The following UPF1 variants were observed in gnomAD, a reference collection of about 807,000 sequenced individuals.
The protein encoded by UPF1 is regulator of nonsense transcripts 1.
A neutral mutation model predicts 129.2 loss-of-function variants in UPF1; 9 were observed. The observed-to-expected ratio is 0.07, with a 90% CI of 0.04 to 0.12. UPF1 has a LOEUF of 0.12. UPF1 is among the 10% of genes least tolerant of loss of function. The probability of loss-of-function intolerance (pLI) is 1.00; values close to 1 mark genes in which losing one functional copy is unlikely to be tolerated. For missense variants in UPF1, 788 were observed against 1,525.3 expected (o/e 0.52, Z 8.05); for synonymous variants, 649 against 644.9 (o/e 1.01, Z -0.10).
chr19:18,852,077 G>T, intron 5 of UPF1, 58 bp from the exon 6 acceptor site: 1 of 1,520,540 alleles, frequency 6.6e-7, no homozygotes, highest in East Asian at 2.5e-5. Context: ...CTGCGCCCTC[G>T]TTCATTTGCA....
At chr19:18,844,122 T>C (rs1004253499) in intron 1 of UPF1, among the ~76,000 whole-genome samples, 1 of 152,052 alleles carries the variant, frequency 6.6e-6, no homozygotes, top group Admixed American at 6.6e-5. Flanking sequence ...GTACAGCTCT[T>C]AGATGGACTT....
chr19:18,843,205 A>G (rs751419510), intron 1 of UPF1, among the ~76,000 whole-genome samples: 2 of 152,188 alleles, frequency 1.3e-5, no homozygotes, highest in Non-Finnish European at 2.9e-5. Flanking sequence ...CCTTTAGCCA[A>G]CAATGTTGAG....
chr19:18,832,502 G>A lies in UPF1; in HGVS notation c.231+62G>A, dbSNP rs2055438713. 1.0e-6 allele frequency: 1 copy of A among 987,768 alleles called. No individual in the cohort carries two copies. The highest frequency in any genetic ancestry group is 1.2e-6 in the Non-Finnish European group (1 of 828,368). The allele number at this position is 987,768 out of a possible 1,614,324, so 61.2% of individuals were successfully genotyped here. A position where few individuals can be genotyped will look rare whatever the true frequency, so the allele number is the denominator to read the frequency against. ...GGCCTCGGCGCCTGAGACCTGCCCC[G>A]AACTCGCCTCGGGCCCGGCCTGTGT... On this transcript the variant is annotated intron_variant, in intron 1 of 23. Coordinates refer to ENST00000262803, the MANE Select transcript of UPF1 (RefSeq NM_002911.4). This position sits in a 1 kb window ranked among gnomAD's most constrained non-coding sequence, Gnocchi z 5.6.
chr19:18,855,920 T>C lies in UPF1; in HGVS notation c.1545-5T>C, dbSNP rs2055712233. 6.2e-7 allele frequency: 1 copy of C among 1,613,398 alleles called. No individual in the cohort carries two copies. Among genetic ancestry groups the C allele is most frequent in the Admixed American group, 1.7e-5 (1 of 59,970 alleles). ...AAGCACTGAGCTGCCCCAATGGTGT[T>C]GCAGGCCGGTGCTGGTGTGTGCTCC... is the stretch of plus-strand genomic sequence containing the variant. On this transcript the variant is annotated splice_region_variant and splice_polypyrimidine_tract_variant and intron_variant, in intron 11 of 23. Transcript: ENST00000262803.
At chr19:18,838,675 T>G (rs1480729852) in intron 1 of UPF1, among the ~76,000 whole-genome samples, 1 of 151,798 alleles carries the variant, frequency 6.6e-6, no homozygotes, top group East Asian at 1.9e-4. Context: ...CATGACTTCA[T>G]TTTGGCTTTT....
intron 13 of UPF1, among the ~76,000 whole-genome samples, chr19:18,856,622 T>C (rs1343610805): frequency 6.6e-6 from 1 of 152,198 alleles, no homozygotes; most frequent in East Asian, 1.9e-4. Context: ...GCACTGCCCC[T>C]TGGAGGCTGT....
In UPF1 at chr19:18,865,595, G is replaced by A. The variant is rs376681085; in HGVS notation, c.3054G>A (p.Gly1018=). ...CCCCGAAAGGCAAGACTGGTCGTGGGGGACGCCAGAAGAACCGCTTTGGGC... is the reference window on the plus strand; with the variant it reads ...CCCCGAAAGGCAAGACTGGTCGTGGAGGACGCCAGAAGAACCGCTTTGGGC... ...RGTPKGKTGR[G]GRQKNRFGLP... Residue 1018 remains glycine, a synonymous_variant, in exon 22 of 24, where the codon GGG becomes GGA. Transcript: ENST00000262803. The surrounding 1 kb of genome is among the most constrained non-coding windows in gnomAD (Gnocchi z 6.1). 28 of 1,613,766 alleles carry A rather than the reference G, an allele frequency of 1.7e-5. No homozygotes were observed. Among genetic ancestry groups the A allele is most frequent in the Middle Eastern group, 1.6e-4 (1 of 6,084 alleles).
chr19:18,854,814 A>G, intron 9 of UPF1, 65 bp from the exon 10 acceptor site: 1 of 1,608,090 alleles, frequency 6.2e-7, no homozygotes, highest in Non-Finnish European at 8.5e-7. Flanking sequence ...CCAGCTCTGC[A>G]AACTCAGGAT....
chr19:18,846,406 C>A (rs926332814), intron 2 of UPF1, among the ~76,000 whole-genome samples: 1 of 152,042 alleles, frequency 6.6e-6, no homozygotes, highest in Admixed American at 6.6e-5. Context: ...CTGGTACCTG[C>A]GCACTCACTC....
intron 6 of UPF1, 132 bp from the exon 7 acceptor site, chr19:18,852,855 T>C (rs1232427366): frequency 2.8e-6 from 2 of 716,782 alleles, no homozygotes; most frequent in Non-Finnish European, 4.8e-6. Flanking sequence ...GGGCTGCAGG[T>C]GCCACTCACG....
At position 18,850,392 on chromosome 19, in the gene UPF1, G is replaced by T; in HGVS notation, c.629+150G>T. On this transcript the variant is annotated intron_variant, in intron 4 of 23. Transcript: ENST00000262803. The surrounding 1 kb of genome is among the most constrained non-coding windows in gnomAD (Gnocchi z 7.1). The stretch of plus-strand genomic sequence containing the variant: ...TTGCTGAAGGGTGAGGCATGAGAGC[G>T]TTTAGGCGCTGAGGCTTGTTAAGGA... 2 of 1,183,704 alleles carry T rather than the reference G, an allele frequency of 1.7e-6. No homozygotes were observed. Among genetic ancestry groups the T allele is most frequent in the Non-Finnish European group, 2.3e-6 (2 of 866,902 alleles). 73.3% of individuals were successfully genotyped at this position (1,183,704 alleles called of 1,614,324 possible).
intron 16 of UPF1, among the ~76,000 whole-genome samples, 179 bp downstream of exon 16, chr19:18,860,617 TA>T (rs1830890074): frequency 6.6e-6 from 1 of 152,362 alleles, no homozygotes; most frequent in Admixed American, 6.5e-5. Context: ...ACTTGTTTTT[TA>T]TTGGGCAGAT....
chr19:18,865,911 G>A lies in UPF1; in HGVS notation c.3237+133G>A. On this transcript the variant is annotated intron_variant, in intron 22 of 23. Coordinates refer to ENST00000262803, the MANE Select transcript of UPF1 (RefSeq NM_002911.4). This position sits in a 1 kb window ranked among gnomAD's most constrained non-coding sequence, Gnocchi z 6.1. ...CTGAATTACCTGTCCCTGGGCTGGG[G>A]TCATCAGAGTGGGTCTCCTGGGTCT... is the stretch of plus-strand genomic sequence containing the variant. The A allele has an allele frequency of 1.3e-6, 2 of 1,576,396 alleles. No homozygotes were observed. Among genetic ancestry groups the A allele is most frequent in the African/African-American group, 1.4e-5 (1 of 73,672 alleles).
chr19:18,855,329 C>G (rs981805889), intron 11 of UPF1, 87 bp downstream of exon 11: 6 of 1,450,418 alleles, frequency 4.1e-6, no homozygotes, highest in South Asian at 1.2e-5. Flanking sequence ...GCCTTGGGCT[C>G]TGTCACACCG....
In UPF1 at chr19:18,834,580, A is replaced by G. The variant is rs148334311; in HGVS notation, c.231+2140A>G. Among the ~76,000 whole-genome samples the G allele has an allele frequency of 1.5e-4, 23 of 152,270 alleles. No individual in the cohort carries two copies. The East Asian group carries it at 4.2e-3, about 28-fold the overall frequency. ...GACATCAGAGGGTTTGTCCTGTGCT[A>G]CTTGTAATTGACCCAGATGCCCCAC... On this transcript the variant is annotated intron_variant, in intron 1 of 23. Transcript: ENST00000262803.
intron 2 of UPF1, 29 bp downstream of exon 2, chr19:18,846,148 T>C: frequency 1.2e-6 from 2 of 1,612,782 alleles, no homozygotes; most frequent in Non-Finnish European, 1.7e-6. Context: ...GGCCTGGGCA[T>C]GTGCTGGACA....
In UPF1 at chr19:18,853,854, G is replaced by T. The variant is rs989878179; in HGVS notation, c.1156+504G>T. Among the ~76,000 whole-genome samples the T allele has an allele frequency of 2.6e-5, 4 of 152,208 alleles. No individual in the cohort carries two copies. The highest frequency in any genetic ancestry group is 7.2e-5 in the African/African-American group (3 of 41,446). On this transcript the variant is annotated intron_variant, in intron 8 of 23. Transcript: ENST00000262803. This position sits in a 1 kb window ranked among gnomAD's most constrained non-coding sequence, Gnocchi z 4.4. ...GGGGCAGCTGTAAGGCACAGGTGCA[G>T]TCAGAGGCTTGGGTGGGGAGGAGTC... is the stretch of plus-strand genomic sequence containing the variant.
Position 18,865,365 on chromosome 19 carries a change from C to T in UPF1, c.2934C>T (p.Ala978=). ...GTGCCGGCCCTAGCCACGTGGCTGC[C>T]ATGAACATTCCCATCCCCTTCAACC... The part of the protein sequence containing the change: ...MISAGPSHVA[A]MNIPIPFNLV... The change falls in exon 21 of 24, where the codon GCC becomes GCT. Residue 978 remains alanine, a synonymous_variant. Coordinates refer to ENST00000262803, the MANE Select transcript of UPF1 (RefSeq NM_002911.4). This position sits in a 1 kb window ranked among gnomAD's most constrained non-coding sequence, Gnocchi z 6.1. The T allele has an allele frequency of 6.2e-7, 1 of 1,614,138 alleles. No homozygotes were observed. The highest frequency in any genetic ancestry group is 8.5e-7 in the Non-Finnish European group (1 of 1,180,030).
intron 11 of UPF1, 123 bp downstream of exon 11, chr19:18,855,365 G>T: frequency 9.8e-7 from 1 of 1,025,540 alleles, no homozygotes; most frequent in Non-Finnish European, 1.4e-6. Context: ...GGGTAGTGTC[G>T]CCATGGTGCC....
Sources: gnomAD v4.1 joint callset for allele counts (sites outside exome capture counted in the v4.1 genomes callset) on GRCh38, gnomAD v4.1.1 for gene constraint, Gnocchi (gnomAD v3.1) non-coding constraint, MANE v1.5 for transcripts, NCBI Gene and HGNC (gene_info 2026-07-23, HGNC 2026-07-21) for gene names.